Variants in PRDM16 observed in about 807,000 individuals in gnomAD.
The protein encoded by PRDM16 is PR/SET domain 16.
Under a neutral mutation model 110.6 loss-of-function variants are expected in PRDM16, and 23 were observed. The observed-to-expected ratio is 0.21, with a 90% CI of 0.15 to 0.29. PRDM16 has a LOEUF of 0.29. Ranked by LOEUF, PRDM16 falls within the 10% of genes least tolerant of loss-of-function variation. The pLI, the probability that PRDM16 is intolerant of heterozygous loss-of-function variation, is 1.00. For synonymous variants in PRDM16, 799 were observed against 781.8 expected, an observed-to-expected ratio of 1.02 and a Z score of -0.37; for missense variants, 1,615 against 1,794.3, an observed-to-expected ratio of 0.90 and a Z score of 1.81.
At chr1:3,394,388 C>T in intron 4 of PRDM16, 1 of 446,844 alleles carries the variant, frequency 2.2e-6, no homozygotes. Context: ...TCCGCCCACC[C>T]AGCCCTCTGC....
At chr1:3,276,832 C>G (rs1640596491) in intron 3 of PRDM16, among the ~76,000 whole-genome samples, 1 of 151,228 alleles carries the variant, frequency 6.6e-6, no homozygotes, top group Non-Finnish European at 1.5e-5. Context: ...CCGCCTCGGC[C>G]TGGACCCTGA....
intron 3 of PRDM16, among the ~76,000 whole-genome samples, chr1:3,322,164 T>TGTGC (rs1641772237): frequency 6.6e-6 from 1 of 151,768 alleles, no homozygotes; most frequent in African/African-American, 2.4e-5. Flanking sequence ...GCACTGTGTG[T>TGTGC]GTGTGCTGTG....
Position 3,214,057 on chromosome 1 carries a change from C to G in PRDM16, c.387+27583C>G, listed in dbSNP as rs544961481. Among the ~76,000 whole-genome samples the G allele has an allele frequency of 1.2e-4, 19 of 152,310 alleles. No homozygotes were observed. The East Asian group carries it at 3.7e-3, about 29-fold the overall frequency. ...TCCTTCTCCCACCACAGCCCCGCCC[C>G]TTGTCTGCAGGATGCAGGACTGCCC... On this transcript the variant is annotated intron_variant, in intron 2 of 16. Transcript: ENST00000270722.
chr1:3,361,577 G>A (rs1386031221), intron 3 of PRDM16, among the ~76,000 whole-genome samples: 1 of 152,236 alleles, frequency 6.6e-6, no homozygotes, highest in African/African-American at 2.4e-5. Flanking sequence ...GCTCACCTGG[G>A]GCATAACACC....
chr1:3,075,523 T>C (rs1641876693), intron 1 of PRDM16, among the ~76,000 whole-genome samples: 1 of 152,288 alleles, frequency 6.6e-6, no homozygotes, highest in Non-Finnish European at 1.5e-5. Flanking sequence ...CAAATCATTA[T>C]TGCATTAGCT....
chr1:3,181,097 C>T (rs1193295288), intron 1 of PRDM16, among the ~76,000 whole-genome samples: 1 of 22,822 alleles, frequency 4.4e-5, no homozygotes. Context: ...GCCTTACACA[C>T]GCAGTCTTAC....
chr1:3,192,532 A>G (rs1204904388), intron 2 of PRDM16, among the ~76,000 whole-genome samples: 1 of 152,096 alleles, frequency 6.6e-6, no homozygotes, highest in African/African-American at 2.4e-5. Flanking sequence ...AGGAGGTCCT[A>G]TTGGAGGCTC....
intron 3 of PRDM16, among the ~76,000 whole-genome samples, chr1:3,371,787 C>T (rs55818771): frequency 0.074 from 11,230 of 152,318 alleles, 490 homozygotes; most frequent in African/African-American, 0.11. Context: ...CAGCACCCAC[C>T]GCCCAGCCCA....
chr1:3,210,500 C>G (rs60425253), intron 2 of PRDM16, among the ~76,000 whole-genome samples: 22,887 of 152,270 alleles, frequency 0.15, 2,888 homozygotes, highest in African/African-American at 0.35. Flanking sequence ...ACGCGTGTGT[C>G]TGTGCACGCG....
chr1:3,083,553 C>G (rs1480519237), intron 1 of PRDM16, among the ~76,000 whole-genome samples: 1 of 133,230 alleles, frequency 7.5e-6, no homozygotes, highest in African/African-American at 2.7e-5. Context: ...CAGCCTGCTG[C>G]GGAGGGATGC....
chr1:3,356,306 A>G (rs1642599049), intron 3 of PRDM16, among the ~76,000 whole-genome samples: 1 of 152,206 alleles, frequency 6.6e-6, no homozygotes, highest in Non-Finnish European at 1.5e-5. Context: ...TAAAGGTGAC[A>G]GTGCCCCTGG....
At chr1:3,422,020 G>A (rs1309048366) in intron 12 of PRDM16, among the ~76,000 whole-genome samples, 1 of 150,474 alleles carries the variant, frequency 6.6e-6, no homozygotes, top group Non-Finnish European at 1.5e-5. Flanking sequence ...AGGCAGGAAG[G>A]CAGACAGACA....
At position 3,265,042 on chromosome 1, in the gene PRDM16, G is replaced by A. The variant is rs1640255191; in HGVS notation, c.438+20905G>A. 6.6e-6 allele frequency among the ~76,000 whole-genome samples: 1 copy of A among 151,894 alleles called. No individual in the cohort carries two copies. Among genetic ancestry groups the A allele is most frequent in the Admixed American group, 6.5e-5 (1 of 15,278 alleles). ...ACAGAGAAACCTGAGCTGAGCCACT[G>A]AGTCCCCCAGCCTCTCTCTGACCCA... is the stretch of plus-strand genomic sequence containing the variant. On this transcript the variant is annotated intron_variant, in intron 3 of 16. Coordinates refer to ENST00000270722, the MANE Select transcript of PRDM16 (RefSeq NM_022114.4). The surrounding 1 kb of genome is among the most constrained non-coding windows in gnomAD (Gnocchi z 4.5).
At chr1:3,118,299 G>T (rs1643015434) in intron 1 of PRDM16, among the ~76,000 whole-genome samples, 1 of 152,188 alleles carries the variant, frequency 6.6e-6, no homozygotes, top group Admixed American at 6.5e-5. Flanking sequence ...GCAGAAAATG[G>T]AGCCATCCAG....
chr1:3,293,813 T>C (rs1182979667), intron 3 of PRDM16, among the ~76,000 whole-genome samples: 1 of 152,174 alleles, frequency 6.6e-6, no homozygotes, highest in Non-Finnish European at 1.5e-5. Flanking sequence ...TGTCGGCTTC[T>C]CCATCTCCTG....
At chr1:3,385,366 C>T in intron 4 of PRDM16, 80 bp downstream of exon 4, 5 of 1,512,130 alleles carry the variant, frequency 3.3e-6, no homozygotes, top group Admixed American at 1.7e-5. Context: ...GTGGAGGTGC[C>T]GAGGCAAGGG....
chr1:3,430,668 TC>T lies in PRDM16; in HGVS notation c.3285-201del, dbSNP rs1379816968. Among the ~76,000 whole-genome samples, 9 of 152,240 alleles carry T rather than the reference TC, an allele frequency of 5.9e-5. No homozygotes were observed. In the South Asian group the frequency reaches 1.5e-3, roughly 25 times the overall value. On this transcript the variant is annotated intron_variant, in intron 14 of 16. Transcript: ENST00000270722. ...ACCGCCCCGAGCGCTTGCCCTCCTCTCCCGGGATCGCCCCCAGGCCTCCGTG... is the reference window on the plus strand; with the variant it reads ...ACCGCCCCGAGCGCTTGCCCTCCTCTCCGGGATCGCCCCCAGGCCTCCGTG...
intron 4 of PRDM16, 137 bp from the exon 5 acceptor site, chr1:3,396,354 C>T (rs562022191): frequency 1.4e-6 from 1 of 707,972 alleles, no homozygotes; most frequent in Admixed American, 2.0e-5. Flanking sequence ...CCATAGTGGA[C>T]CCTCTTGGTG....
chr1:3,412,760 T>C lies in PRDM16; in HGVS notation c.2563T>C (p.Tyr855His). ...GATGCCCCAGCAGCCCCCGCTCCAC[T>C]ACGCCAAGCCCTCGCCCTTCTTCAT... Reference protein sequence around the residue: ...ARMPQQPPLHYAKPSPFFMDP... With the variant: ...ARMPQQPPLHHAKPSPFFMDP... The change falls in exon 9 of 17, where the codon TAC becomes CAC. Residue 855 changes from tyrosine to histidine, a missense_variant. By Grantham distance (83) the Tyr-to-His change is moderately conservative. Around this residue, in one of 5 missense-constraint regions of PRDM16, gnomAD observed 772 missense variants for 748.3 expected, o/e 1.03. Transcript: ENST00000270722. 1 of 1,499,122 alleles carries C rather than the reference T, an allele frequency of 6.7e-7. No individual in the cohort carries two copies. Among genetic ancestry groups the C allele is most frequent in the African/African-American group, 1.4e-5 (1 of 70,360 alleles). The allele number at this position is 1,499,122 out of a possible 1,614,324, so 92.9% of individuals were successfully genotyped here.
Sources: allele counts gnomAD v4.1 joint callset (sites outside exome capture counted in the v4.1 genomes callset), GRCh38; gene constraint gnomAD v4.1.1; regional missense constraint gnomAD v4.1.1; non-coding constraint Gnocchi (gnomAD v3.1); transcripts MANE v1.5; gene names NCBI Gene and HGNC (gene_info 2026-07-23, HGNC 2026-07-21).